The following ABI3 variants were observed in gnomAD, a reference collection of about 807,000 sequenced individuals.
The protein encoded by ABI3 is ABI family member 3.
A neutral mutation model predicts 37.0 loss-of-function variants in ABI3; 24 were observed. That is an observed-to-expected ratio of 0.65 (90% CI 0.47 to 0.91). The LOEUF is 0.91. Ranked by LOEUF, ABI3 falls within the 40% of genes least tolerant of loss-of-function variation. ABI3 has a pLI of 0.00. For missense variants in ABI3, 481 were observed against 485.1 expected (o/e 0.99, Z 0.08); for synonymous variants, 220 against 211.8 (o/e 1.04, Z -0.34).
At chr17:49,216,043 G>A (rs924421169) in intron 1 of ABI3, among the ~76,000 whole-genome samples, 4 of 151,388 alleles carry the variant, frequency 2.6e-5, no homozygotes, top group Non-Finnish European at 4.4e-5. Flanking sequence ...CTCGGAAGGC[G>A]GAGGTTGTGG....
rs367805289 is a variant in ABI3 at position 49,219,987 on chromosome 17, G to T, written c.644+34G>T. The T allele has an allele frequency of 2.8e-6, 3 of 1,056,176 alleles. No homozygotes were observed. In the East Asian group the frequency reaches 7.7e-5, roughly 27 times the overall value. 65.4% of individuals were successfully genotyped at this position (1,056,176 alleles called of 1,614,324 possible). A position where few individuals can be genotyped will look rare whatever the true frequency, so the allele number is the denominator to read the frequency against. On this transcript the variant is annotated intron_variant, in intron 5 of 7. Transcript: ENST00000225941. This position sits in a 1 kb window ranked among gnomAD's most constrained non-coding sequence, Gnocchi z 4.3. ...TACAAGCCCACGTGGGTGGGTGGGG[G>T]GTGGGAAGTGGCTTTTGAGAGGGGC...
chr17:49,211,302 G>T (rs1405808033), intron 1 of ABI3, among the ~76,000 whole-genome samples: 1 of 152,342 alleles, frequency 6.6e-6, no homozygotes, highest in East Asian at 1.9e-4. Flanking sequence ...TTGGGAAAGG[G>T]AGAGTGGGGA....
chr17:49,214,327 C>T (rs978411030), intron 1 of ABI3, among the ~76,000 whole-genome samples: 4 of 152,138 alleles, frequency 2.6e-5, no homozygotes, highest in Non-Finnish European at 5.9e-5. Flanking sequence ...ACTCCATGAC[C>T]CGACCAGAGA....
chr17:49,220,572 C>T (rs535668696), intron 6 of ABI3, among the ~76,000 whole-genome samples: 4 of 152,184 alleles, frequency 2.6e-5, no homozygotes, highest in African/African-American at 9.6e-5. Context: ...TGGCCGGGCG[C>T]GGTGGCTCAC....
chr17:49,212,595 G>T (rs2043180285), intron 1 of ABI3, among the ~76,000 whole-genome samples: 1 of 152,168 alleles, frequency 6.6e-6, no homozygotes. Context: ...CATGTTACCA[G>T]CATGGCCTCC....
rs778278221 is a variant in ABI3 at position 49,219,450 on chromosome 17, C to T, written c.463-90C>T. 13 of 1,192,700 alleles carry T rather than the reference C, an allele frequency of 1.1e-5. No individual in the cohort carries two copies. The highest frequency in any genetic ancestry group is 8.6e-5 in the South Asian group (6 of 69,598). The allele number at this position is 1,192,700 out of a possible 1,614,324, so 73.9% of individuals were successfully genotyped here. A position where few individuals can be genotyped will look rare whatever the true frequency, so the allele number is the denominator to read the frequency against. The stretch of plus-strand genomic sequence containing the variant: ...ATGCCGGGCTCTCCCTCCCGGTTCC[C>T]GTCCGCCCCTCCTCCATTTCCTCTT... On this transcript the variant is annotated intron_variant, in intron 3 of 7. Transcript: ENST00000225941. The surrounding 1 kb of genome is among the most constrained non-coding windows in gnomAD (Gnocchi z 4.3).
chr17:49,217,839 A>T lies in ABI3; in HGVS notation c.386A>T (p.Asn129Ile). ...PPGQKVIAPE[N>I]LPPLTPYCRR... The stretch of plus-strand genomic sequence containing the variant: ...GGCCAGAAGGTCATCGCCCCAGAGA[A>T]CCTACCCCCTCTCACGCCCTACTGC... Residue 129 changes from asparagine to isoleucine, a missense_variant, in exon 3 of 8, where the codon AAC becomes ATC. Coordinates refer to ENST00000225941, the MANE Select transcript of ABI3 (RefSeq NM_016428.3). The T allele has an allele frequency of 6.2e-7, 1 of 1,607,578 alleles. No homozygotes were observed.
intron 2 of ABI3, among the ~76,000 whole-genome samples, chr17:49,217,431 G>A (rs561575516): frequency 6.6e-6 from 1 of 152,146 alleles, no homozygotes; most frequent in East Asian, 1.9e-4. Flanking sequence ...AAGTCAGCCG[G>A]GTGCTTGTCT....
At chr17:49,213,996 A>G (rs897280448) in intron 1 of ABI3, among the ~76,000 whole-genome samples, 5 of 152,226 alleles carry the variant, frequency 3.3e-5, no homozygotes, top group African/African-American at 1.2e-4. Flanking sequence ...GTTTTGGTGC[A>G]TATGCTAATG....
At chr17:49,218,770 A>ATTTTTTTTTTTTT (rs71144583) in intron 3 of ABI3, among the ~76,000 whole-genome samples, 13 of 131,782 alleles carry the variant, frequency 9.9e-5, no homozygotes, top group African/African-American at 3.9e-4. Flanking sequence ...TGCCCGGCTA[A>ATTTTTTTTTTTTT]TTTTTTTTTT....
chr17:49,217,829 G>A lies in ABI3; in HGVS notation c.376G>A (p.Ala126Thr), dbSNP rs769714351. 6 of 1,609,996 alleles carry A rather than the reference G, an allele frequency of 3.7e-6. No individual in the cohort carries two copies. Among genetic ancestry groups the A allele is most frequent in the Middle Eastern group, 1.7e-4 (1 of 6,048 alleles). Residue 126 changes from alanine (A) to threonine (T), a missense_variant, in exon 3 of 8, where the codon GCC (alanine) becomes ACC (threonine). Coordinates refer to ENST00000225941, the MANE Select transcript of ABI3 (RefSeq NM_016428.3). Reference protein sequence around the residue: ...QRLPPGQKVIAPENLPPLTPY... With the variant: ...QRLPPGQKVITPENLPPLTPY... ...GCTGCCCCCCGGCCAGAAGGTCATC[G>A]CCCCAGAGAACCTACCCCCTCTCAC... is the stretch of plus-strand genomic sequence containing the variant.
In ABI3 at chr17:49,210,973, C is replaced by T. The variant is rs1338647736; in HGVS notation, c.117+132C>T. ...CCTTGGCTGAGAAATCCTCCCATTC[C>T]AGGCTTCGGCTTCATCCCAGACCCC... On this transcript the variant is annotated intron_variant, in intron 1 of 7. Coordinates refer to ENST00000225941, the MANE Select transcript of ABI3 (RefSeq NM_016428.3). The surrounding 1 kb of genome is among the most constrained non-coding windows in gnomAD (Gnocchi z 4.2). 1.4e-6 allele frequency: 1 copy of T among 718,200 alleles called. No homozygotes were observed. Among genetic ancestry groups the T allele is most frequent in the East Asian group, 2.8e-5 (1 of 36,304 alleles). The allele number at this position is 718,200 out of a possible 1,614,324, so 44.5% of individuals were successfully genotyped here.
rs1415673589 is a variant in ABI3 at position 49,219,717 on chromosome 17, C to T, written c.548+92C>T. 5.6e-6 allele frequency: 8 copies of T among 1,430,286 alleles called. No individual in the cohort carries two copies. In the East Asian group the frequency reaches 2.0e-4, roughly 35 times the overall value. The allele number at this position is 1,430,286 out of a possible 1,614,324, so 88.6% of individuals were successfully genotyped here. ...CAGCCTCGCCACCCACCCCTGGCGC[C>T]CCCGGGTGCTCAGGCCGTCATGCTG... is the stretch of plus-strand genomic sequence containing the variant. On this transcript the variant is annotated intron_variant, in intron 4 of 7. Coordinates refer to ENST00000225941, the MANE Select transcript of ABI3 (RefSeq NM_016428.3). This position sits in a 1 kb window ranked among gnomAD's most constrained non-coding sequence, Gnocchi z 4.3.
chr17:49,222,281 T>A lies in ABI3; in HGVS notation c.937+56T>A. The A allele has an allele frequency of 8.3e-6, 13 of 1,568,684 alleles. No homozygotes were observed. The South Asian group carries it at 1.5e-4, about 18-fold the overall frequency. The stretch of plus-strand genomic sequence containing the variant: ...GATCCCACTTCCTCTGTTGCCCTGA[T>A]CCCCATTCTCCTCCCTCTGCAAAGG... On this transcript the variant is annotated intron_variant, in intron 7 of 7. Transcript: ENST00000225941.
chr17:49,216,894 G>T (rs935328469), intron 2 of ABI3, among the ~76,000 whole-genome samples, 196 bp downstream of exon 2: 4 of 152,182 alleles, frequency 2.6e-5, no homozygotes, highest in African/African-American at 9.7e-5. Context: ...TTCCCCGAAG[G>T]CAGAGCTTTT....
intron 1 of ABI3, among the ~76,000 whole-genome samples, chr17:49,212,531 GAC>G (rs2143511056): frequency 6.6e-6 from 1 of 152,338 alleles, no homozygotes. Context: ...GCAGATTAAA[GAC>G]AGTCAGTAAT....
rs372755638 is a variant in ABI3 at position 49,219,667 on chromosome 17, G to T, written c.548+42G>T. 2.0e-6 allele frequency: 3 copies of T among 1,534,712 alleles called. No individual in the cohort carries two copies. Among genetic ancestry groups the T allele is most frequent in the Non-Finnish European group, 2.7e-6 (3 of 1,129,472 alleles). The stretch of plus-strand genomic sequence containing the variant: ...ACGCCAACTAGCCTAGCCCTGCCCC[G>T]CGCGACCCTGAAACTCTCCTCCCCC... On this transcript the variant is annotated intron_variant, in intron 4 of 7. Coordinates refer to ENST00000225941, the MANE Select transcript of ABI3 (RefSeq NM_016428.3). This position sits in a 1 kb window ranked among gnomAD's most constrained non-coding sequence, Gnocchi z 4.3.
intron 7 of ABI3, 108 bp from the exon 8 acceptor site, chr17:49,222,443 TG>T: frequency 7.0e-7 from 1 of 1,436,482 alleles, no homozygotes. Flanking sequence ...GCCCCCAAGA[TG>T]GCCCCTAGAG....
At position 49,210,778 on chromosome 17, in the gene ABI3, T is replaced by A; in HGVS notation, c.54T>A (p.Ala18=). 1 of 1,555,752 alleles carries A rather than the reference T, an allele frequency of 6.4e-7. No homozygotes were observed. Among genetic ancestry groups the A allele is most frequent in the East Asian group, 2.4e-5 (1 of 41,218 alleles). Residue 18 remains alanine, a synonymous_variant, in exon 1 of 8, where the codon GCT becomes GCA. Transcript: ENST00000225941. The surrounding 1 kb of genome is among the most constrained non-coding windows in gnomAD (Gnocchi z 4.2). ...QEFEIPTGRE[A]LRGNHSALLR... ...TTGAGATCCCCACTGGCCGGGAGGC[T>A]CTGAGGGGCAACCACAGTGCCCTGC...
Sources: gnomAD v4.1 joint callset for allele counts (sites outside exome capture counted in the v4.1 genomes callset) on GRCh38, gnomAD v4.1.1 for gene constraint, Gnocchi (gnomAD v3.1) non-coding constraint, MANE v1.5 for transcripts, NCBI Gene and HGNC (gene_info 2026-07-23, HGNC 2026-07-21) for gene names.